PRDM6: variants seen among roughly 807,000 people sequenced by gnomAD.
PRDM6 encodes PR/SET domain 6, also known as putative histone-lysine N-methyltransferase PRDM6.
Under a neutral mutation model 60.8 loss-of-function variants are expected in PRDM6, and 25 were observed. The observed-to-expected ratio is 0.41, with a 90% CI of 0.30 to 0.57. PRDM6 has a LOEUF of 0.57. Ranked by LOEUF, PRDM6 falls within the 20% of genes least tolerant of loss-of-function variation. The probability of loss-of-function intolerance (pLI) is 0.27; values close to 1 mark genes in which losing one functional copy is unlikely to be tolerated. For synonymous variants in PRDM6, 407 were observed against 357.4 expected (o/e 1.14, Z -1.57); for missense variants, 839 against 821.3 (o/e 1.02, Z -0.26).
intron 3 of PRDM6, among the ~76,000 whole-genome samples, chr5:123,100,328 G>T (rs1388163950): frequency 1.3e-5 from 2 of 152,218 alleles, no homozygotes; most frequent in African/African-American, 4.8e-5. Context: ...GCAGCGGAGG[G>T]TGGGCATTAG....
intron 6 of PRDM6, 75 bp downstream of exon 6, chr5:123,171,183 G>C (rs1330146336): frequency 8.2e-7 from 1 of 1,215,766 alleles, no homozygotes; most frequent in Non-Finnish European, 1.1e-6. Flanking sequence ...CAACTTCTGA[G>C]CACCTCCACA....
intron 5 of PRDM6, 57 bp downstream of exon 5, chr5:123,159,695 C>T: frequency 6.6e-7 from 1 of 1,514,354 alleles, no homozygotes; most frequent in Non-Finnish European, 8.9e-7. Flanking sequence ...TCAAAGCTAA[C>T]TTTTTAAGAG....
intron 3 of PRDM6, among the ~76,000 whole-genome samples, chr5:123,109,142 T>C (rs335147): frequency 0.19 from 29,388 of 152,032 alleles, 2,985 homozygotes; most frequent in African/African-American, 0.21. Context: ...TATAATGGTC[T>C]CCAGGAAAGG....
intron 3 of PRDM6, among the ~76,000 whole-genome samples, chr5:123,100,977 A>G (rs766840673): frequency 6.6e-6 from 1 of 152,240 alleles, no homozygotes; most frequent in Non-Finnish European, 1.5e-5. Flanking sequence ...GAATAGCTAG[A>G]AAATAAAGTT....
intron 3 of PRDM6, among the ~76,000 whole-genome samples, chr5:123,106,016 T>C (rs1171484182): frequency 6.6e-6 from 1 of 152,202 alleles, no homozygotes; most frequent in African/African-American, 2.4e-5. Context: ...GTCGAGCAAT[T>C]GTCAGGCTGC....
At chr5:123,171,301 C>T (rs972558199) in intron 6 of PRDM6, among the ~76,000 whole-genome samples, 193 bp downstream of exon 6, 1 of 152,194 alleles carries the variant, frequency 6.6e-6, no homozygotes, top group Non-Finnish European at 1.5e-5. Flanking sequence ...AGGTTGGTGG[C>T]TGCAGAGAGG....
chr5:123,118,512 G>T (rs186552112), intron 3 of PRDM6, among the ~76,000 whole-genome samples: 5 of 152,190 alleles, frequency 3.3e-5, no homozygotes, highest in African/African-American at 1.2e-4. Context: ...GTAAAACTAG[G>T]TTTTGCAAGT....
intron 4 of PRDM6, among the ~76,000 whole-genome samples, chr5:123,156,538 C>T (rs7723425): frequency 0.067 from 10,230 of 152,228 alleles, 372 homozygotes; most frequent in Non-Finnish European, 0.073. Context: ...TCTCCTGCTC[C>T]GTCTAAAGGT....
intron 3 of PRDM6, among the ~76,000 whole-genome samples, chr5:123,137,658 A>G (rs140262612): frequency 0.014 from 2,129 of 152,204 alleles, 55 homozygotes; most frequent in African/African-American, 0.049. Context: ...GGGCTAAGGG[A>G]AGGATAGCAT....
chr5:123,099,512 C>T lies in PRDM6; in HGVS notation c.593-142C>T. ...CCTCCTCCTCTGAGTTGCTTCGGTG[C>T]CCCCAAGGCATCACCTTCCTCGAAG... is the stretch of plus-strand genomic sequence containing the variant. On this transcript the variant is annotated intron_variant, in intron 2 of 7. Coordinates refer to ENST00000407847, the MANE Select transcript of PRDM6 (RefSeq NM_001136239.4). This position sits in a 1 kb window ranked among gnomAD's most constrained non-coding sequence, Gnocchi z 4.0. The T allele has an allele frequency of 1.4e-6, 1 of 703,482 alleles. No homozygotes were observed. The allele number at this position is 703,482 out of a possible 1,614,324, so 43.6% of individuals were successfully genotyped here.
intron 3 of PRDM6, among the ~76,000 whole-genome samples, chr5:123,111,833 G>C (rs1933572073): frequency 6.6e-6 from 1 of 152,014 alleles, no homozygotes; most frequent in African/African-American, 2.4e-5. Context: ...TTCTGCTTCA[G>C]GTCCACAGTT....
At chr5:123,173,206 T>C (rs1336518218) in intron 6 of PRDM6, among the ~76,000 whole-genome samples, 1 of 135,762 alleles carries the variant, frequency 7.4e-6, no homozygotes, top group South Asian at 2.5e-4. Context: ...AAAAAAAAAA[T>C]TATATGTATG....
intron 3 of PRDM6, among the ~76,000 whole-genome samples, chr5:123,137,762 T>G (rs391555): frequency 2.0e-5 from 3 of 151,888 alleles, no homozygotes; most frequent in Non-Finnish European, 4.4e-5. Flanking sequence ...ACGTTCTGCA[T>G]ATGTATCTCA....
At chr5:123,129,459 T>C (rs450354) in intron 3 of PRDM6, among the ~76,000 whole-genome samples, 138,277 of 152,208 alleles carry the variant, frequency 0.91, 63,034 homozygotes, top group East Asian at 0.99. Flanking sequence ...TTGTAGTTCT[T>C]CTTTACATCC....
chr5:123,191,400 T>A lies in PRDM6; in HGVS notation c.*4199T>A, dbSNP rs1203916221. 1 of 152,040 alleles carries A rather than the reference T, an allele frequency of 6.6e-6. No individual in the cohort carries two copies. Among genetic ancestry groups the A allele is most frequent in the African/African-American group, 2.4e-5 (1 of 41,390 alleles). The allele number at this position is 152,040 out of a possible 1,614,324, so 9.4% of individuals were successfully genotyped here. ...CCAGCAGCCTGCGTTTAGGAGCAAA[T>A]TCATTGCTCTCATATTAAGGCTATG... On this transcript the variant is annotated 3_prime_UTR_variant, in exon 8 of 8. Transcript: ENST00000407847.
intron 3 of PRDM6, among the ~76,000 whole-genome samples, chr5:123,142,890 A>C (rs1003459275): frequency 3.4e-5 from 5 of 149,014 alleles, no homozygotes; most frequent in Non-Finnish European, 6.0e-5. Flanking sequence ...AAAAAAAAAA[A>C]AAAAAAAAAA....
At chr5:123,152,969 G>T (rs899198358) in intron 3 of PRDM6, among the ~76,000 whole-genome samples, 1 of 152,036 alleles carries the variant, frequency 6.6e-6, no homozygotes, top group African/African-American at 2.4e-5. Context: ...GCTTAAACAG[G>T]TAAGAATTAG....
In PRDM6 at chr5:123,180,187, C is replaced by G. The variant is rs1766114305; in HGVS notation, c.1537C>G (p.Pro513Ala). Reference protein sequence around the residue: ...CGHCSQSFSQPSELRNHVVTH... With the variant: ...CGHCSQSFSQASELRNHVVTH... ...CCACTGCTCCCAGTCCTTTTCCCAG[C>G]CTTCAGAACTGAGGAACCACGTGGT... Residue 513 changes from proline (P) to alanine (A), a missense_variant, in exon 7 of 8, where the codon CCT becomes GCT. Around this residue, in one of 2 missense-constraint regions of PRDM6, gnomAD observed 109 missense variants for 172.6 expected, o/e 0.63. Transcript: ENST00000407847. The G allele has an allele frequency of 6.4e-7, 1 of 1,551,534 alleles. No individual in the cohort carries two copies. Among genetic ancestry groups the G allele is most frequent in the Non-Finnish European group, 8.7e-7 (1 of 1,146,736 alleles).
chr5:123,186,571 C>A (rs1269635443), intron 7 of PRDM6, among the ~76,000 whole-genome samples: 1 of 152,196 alleles, frequency 6.6e-6, no homozygotes, highest in East Asian at 1.9e-4. Context: ...AAAGCAGCGA[C>A]CACGCCTACT....
Sources: allele counts gnomAD v4.1 joint callset (sites outside exome capture counted in the v4.1 genomes callset), GRCh38; gene constraint gnomAD v4.1.1; regional missense constraint gnomAD v4.1.1; non-coding constraint Gnocchi (gnomAD v3.1); transcripts MANE v1.5; gene names NCBI Gene and HGNC (gene_info 2026-07-23, HGNC 2026-07-21).